The following HPSE2 variants were observed in gnomAD, a reference collection of about 807,000 sequenced individuals.
HPSE2 encodes heparanase 2 (inactive).
HPSE2 carries 38 observed loss-of-function variants against 60.5 expected under a neutral mutation model. The observed-to-expected ratio is 0.63, with a 90% CI of 0.48 to 0.82. The LOEUF is 0.82. HPSE2 is among the 40% of genes least tolerant of loss of function. The pLI, the probability that HPSE2 is intolerant of heterozygous loss-of-function variation, is 0.00. For synonymous variants in HPSE2, 295 were observed against 293.2 expected (o/e 1.01, Z -0.06); for missense variants, 713 against 740.4 (o/e 0.96, Z 0.43).
chr10:99,049,974 A>G (rs966516260), intron 3 of HPSE2, among the ~76,000 whole-genome samples: 1 of 152,212 alleles, frequency 6.6e-6, no homozygotes, highest in Non-Finnish European at 1.5e-5. Flanking sequence ...GCTAATAAGC[A>G]CATGAAAATA....
intron 9 of HPSE2, among the ~76,000 whole-genome samples, chr10:98,584,189 A>C (rs1316878573): frequency 6.6e-6 from 1 of 152,198 alleles, no homozygotes; most frequent in African/African-American, 2.4e-5. Flanking sequence ...GGGTAAAAAG[A>C]GTGTGAAGGG....
intron 3 of HPSE2, among the ~76,000 whole-genome samples, chr10:98,852,147 G>GTGTT (rs1952194157): frequency 7.2e-6 from 1 of 139,198 alleles, no homozygotes; most frequent in Admixed American, 7.0e-5. Flanking sequence ...GTGTGTGTGT[G>GTGTT]TGTGTGTGTG....
At chr10:99,133,529 T>G (rs1845528497) in intron 3 of HPSE2, among the ~76,000 whole-genome samples, 1 of 152,156 alleles carries the variant, frequency 6.6e-6, no homozygotes, top group South Asian at 2.1e-4. Context: ...GGGAAGAAGC[T>G]TCCAGAGGAA....
At chr10:98,568,492 C>A (rs1185335186) in intron 9 of HPSE2, among the ~76,000 whole-genome samples, 2 of 152,158 alleles carry the variant, frequency 1.3e-5, no homozygotes, top group East Asian at 3.9e-4. Flanking sequence ...AGGGAGATAA[C>A]TTCCTGTTGG....
At chr10:98,960,940 G>A (rs1252648531) in intron 3 of HPSE2, among the ~76,000 whole-genome samples, 10 of 91,262 alleles carry the variant, frequency 1.1e-4, no homozygotes, top group Non-Finnish European at 1.6e-4. Flanking sequence ...CCCTTCCTGT[G>A]TCCATGTGAT....
intron 2 of HPSE2, among the ~76,000 whole-genome samples, chr10:99,209,855 A>G (rs922709859): frequency 1.3e-5 from 2 of 152,068 alleles, no homozygotes; most frequent in African/African-American, 4.8e-5. Flanking sequence ...ACGCCTGGCT[A>G]ATTTTTGTAT....
At chr10:98,548,021 C>T (rs193143120) in intron 9 of HPSE2, among the ~76,000 whole-genome samples, 1 of 152,214 alleles carries the variant, frequency 6.6e-6, no homozygotes, top group Non-Finnish European at 1.5e-5. Context: ...AGGCACTATT[C>T]TGGGCATTGG....
At chr10:98,694,795 G>T (rs899183978) in intron 5 of HPSE2, among the ~76,000 whole-genome samples, 3 of 152,194 alleles carry the variant, frequency 2.0e-5, no homozygotes, top group African/African-American at 7.2e-5. Context: ...TGCTATCATG[G>T]TTATAACTAC....
At chr10:99,060,240 A>G (rs1485276947) in intron 3 of HPSE2, among the ~76,000 whole-genome samples, 2 of 152,178 alleles carry the variant, frequency 1.3e-5, no homozygotes, top group Non-Finnish European at 2.9e-5. Context: ...AATGTCAACT[A>G]TGTATTAAAC....
chr10:99,232,602 C>T (rs903579998), intron 1 of HPSE2, 97 bp from the exon 2 acceptor site: 17 of 1,362,460 alleles, frequency 1.2e-5, no homozygotes, highest in Non-Finnish European at 1.6e-5. Context: ...CTGAGGGCGA[C>T]CTGGCCGGGG....
chr10:98,506,202 T>C (rs1276654569), intron 9 of HPSE2, among the ~76,000 whole-genome samples: 1 of 152,184 alleles, frequency 6.6e-6, no homozygotes, highest in Non-Finnish European at 1.5e-5. Flanking sequence ...AAGGTGAAAG[T>C]TCCCAATTAT....
intron 9 of HPSE2, among the ~76,000 whole-genome samples, chr10:98,534,371 TC>T (rs1261903069): frequency 6.6e-6 from 1 of 152,134 alleles, no homozygotes; most frequent in African/African-American, 2.4e-5. Flanking sequence ...AACTGAAATT[TC>T]CCAGTTTAAT....
intron 9 of HPSE2, among the ~76,000 whole-genome samples, chr10:98,581,250 T>G (rs77106285): frequency 0.055 from 8,299 of 152,220 alleles, 286 homozygotes; most frequent in Middle Eastern, 0.13. Flanking sequence ...ATTTTCAACA[T>G]TTAAAAACAA....
At chr10:99,166,440 C>G (rs1847085151) in intron 2 of HPSE2, among the ~76,000 whole-genome samples, 1 of 152,166 alleles carries the variant, frequency 6.6e-6, no homozygotes. Flanking sequence ...TATAAGAGTT[C>G]CAGGTGCTCC....
chr10:99,221,917 G>A (rs1849326824), intron 2 of HPSE2, among the ~76,000 whole-genome samples: 1 of 152,078 alleles, frequency 6.6e-6, no homozygotes, highest in Admixed American at 6.6e-5. Context: ...AGTGACAGGA[G>A]GAAAGTGGAG....
intron 3 of HPSE2, among the ~76,000 whole-genome samples, chr10:98,860,460 A>G (rs947874157): frequency 1.6e-4 from 25 of 152,170 alleles, no homozygotes; most frequent in African/African-American, 6.0e-4. Context: ...AAAATGGCTA[A>G]TATTTATGAG....
intron 3 of HPSE2, among the ~76,000 whole-genome samples, chr10:98,892,215 G>GA (rs1241402980): frequency 1.3e-5 from 2 of 151,722 alleles, no homozygotes; most frequent in African/African-American, 4.8e-5. Context: ...GTGAAAGGGG[G>GA]AAAAAAGAAA....
chr10:98,773,617 AT>A (rs1036893529), intron 3 of HPSE2, among the ~76,000 whole-genome samples: 6 of 152,132 alleles, frequency 3.9e-5, no homozygotes, highest in African/African-American at 1.4e-4. Context: ...CACTTCTAAA[AT>A]TTTTTTCTGA....
intron 3 of HPSE2, among the ~76,000 whole-genome samples, chr10:98,857,430 A>G (rs1211097414): frequency 2.6e-5 from 4 of 152,224 alleles, no homozygotes; most frequent in Non-Finnish European, 4.4e-5. Context: ...TAGAAACAGT[A>G]TGATCTTCTA....
Sources: gnomAD v4.1 joint callset for allele counts (sites outside exome capture counted in the v4.1 genomes callset) on GRCh38, gnomAD v4.1.1 for gene constraint, MANE v1.5 for transcripts, NCBI Gene and HGNC (gene_info 2026-07-23, HGNC 2026-07-21) for gene names.